The following ROBO2 variants were observed in gnomAD, a reference collection of about 807,000 sequenced individuals.
The protein encoded by ROBO2 is roundabout homolog 2.
ROBO2 carries 53 observed loss-of-function variants against 160.8 expected under a neutral mutation model. The observed-to-expected ratio is 0.33, with a 90% CI of 0.26 to 0.41. The LOEUF (loss-of-function observed/expected upper bound fraction) is 0.41, where lower values mean the gene tolerates loss of function less well. Ranked by LOEUF, ROBO2 falls within the 10% of genes least tolerant of loss-of-function variation. ROBO2 has a pLI of 1.00. For missense variants in ROBO2, 1,577 were observed against 1,722.4 expected (o/e 0.92, Z 1.49); for synonymous variants, 664 against 611.7 (o/e 1.09, Z -1.26).
chr3:76,804,355 CTT>C (rs1283070723), intron 2 of ROBO2, among the ~76,000 whole-genome samples: 1 of 152,184 alleles, frequency 6.6e-6, no homozygotes, highest in East Asian at 1.9e-4. Context: ...AGTCCAAAAC[CTT>C]TCGGCAGAAT....
intron 2 of ROBO2, among the ~76,000 whole-genome samples, chr3:77,463,165 T>A (rs1258401484): frequency 1.3e-5 from 2 of 152,138 alleles, no homozygotes; most frequent in Admixed American, 6.6e-5. Flanking sequence ...TACTTGAATT[T>A]AAAAAGTGGG....
chr3:77,041,742 CCTT>C (rs948372476), intron 1 of ROBO2, among the ~76,000 whole-genome samples: 1 of 152,012 alleles, frequency 6.6e-6, no homozygotes, highest in African/African-American at 2.4e-5. Flanking sequence ...TTGCTGTTAA[CCTT>C]CTAGAGGCTT....
In ROBO2 at chr3:77,596,318, T is replaced by C. The variant is rs1017326619; in HGVS notation, c.2727-305T>C. 2.6e-5 allele frequency among the ~76,000 whole-genome samples: 4 copies of C among 152,290 alleles called. No individual in the cohort carries two copies. The East Asian group carries it at 7.7e-4, about 29-fold the overall frequency. ...ACTTTGAGCAGTTGTTCCCTTGTGGTGCCAATGTATCATCAAACCTTGTTT... is the reference window on the plus strand; with the variant it reads ...ACTTTGAGCAGTTGTTCCCTTGTGGCGCCAATGTATCATCAAACCTTGTTT... On this transcript the variant is annotated intron_variant, in intron 18 of 25. Transcript: ENST00000461745.
chr3:76,614,372 G>A (rs1223442939), intron 2 of ROBO2, among the ~76,000 whole-genome samples: 2 of 151,978 alleles, frequency 1.3e-5, no homozygotes, highest in Non-Finnish European at 2.9e-5. Context: ...TAATAAAAGT[G>A]TTTTTAGATA....
intron 2 of ROBO2, among the ~76,000 whole-genome samples, chr3:76,936,098 G>T (rs868230779): frequency 3.7e-4 from 56 of 152,094 alleles, no homozygotes; most frequent in African/African-American, 1.2e-3. Context: ...AAGTGATTTT[G>T]TGTCCTTCTT....
chr3:76,911,386 G>T (rs1371321892), intron 2 of ROBO2, among the ~76,000 whole-genome samples: 1 of 152,174 alleles, frequency 6.6e-6, no homozygotes, highest in Non-Finnish European at 1.5e-5. Context: ...GAAAAACATG[G>T]CAGTGCCTTT....
chr3:76,428,029 A>G (rs1162616264), intron 2 of ROBO2, among the ~76,000 whole-genome samples: 2 of 152,186 alleles, frequency 1.3e-5, no homozygotes, highest in Admixed American at 6.5e-5. Context: ...AATTTCAAAT[A>G]TATAACTAGT....
intron 2 of ROBO2, among the ~76,000 whole-genome samples, chr3:76,184,299 T>A (rs1575783969): frequency 6.6e-6 from 1 of 152,000 alleles, no homozygotes; most frequent in Non-Finnish European, 1.5e-5. Context: ...CCTCCTCCAG[T>A]GGGTTGCCCT....
At chr3:77,632,462 A>G (rs1178064721) in intron 23 of ROBO2, 1 of 1,523,256 alleles carries the variant, frequency 6.6e-7, no homozygotes, top group Non-Finnish European at 8.8e-7. Flanking sequence ...AGACAACTAC[A>G]TTTGTTTTTA....
intron 2 of ROBO2, among the ~76,000 whole-genome samples, chr3:75,992,393 G>A (rs1219875905): frequency 9.9e-5 from 15 of 152,168 alleles, no homozygotes; most frequent in Admixed American, 9.8e-4. Flanking sequence ...GCTCCCGAGG[G>A]TGGAGCCCCC....
At chr3:76,226,978 C>G (rs1559662516) in intron 2 of ROBO2, among the ~76,000 whole-genome samples, 1 of 152,160 alleles carries the variant, frequency 6.6e-6, no homozygotes, top group East Asian at 1.9e-4. Flanking sequence ...CTGTGCATCT[C>G]CATCAGCCTC....
intron 2 of ROBO2, among the ~76,000 whole-genome samples, chr3:76,322,196 A>ATATG (rs2072609389): frequency 9.5e-6 from 1 of 104,762 alleles, no homozygotes; most frequent in African/African-American, 3.4e-5. Context: ...ATATATATAT[A>ATATG]TATATATAAT....
intron 2 of ROBO2, among the ~76,000 whole-genome samples, chr3:76,157,839 A>G (rs2106896942): frequency 6.6e-6 from 1 of 152,296 alleles, no homozygotes; most frequent in South Asian, 2.1e-4. Flanking sequence ...TTTCTAAGTT[A>G]TAAATTCTCT....
intron 2 of ROBO2, among the ~76,000 whole-genome samples, chr3:76,568,383 C>T (rs1288569011): frequency 2.0e-5 from 3 of 152,056 alleles, no homozygotes; most frequent in Non-Finnish European, 2.9e-5. Context: ...CTGCAAGCTC[C>T]GCCTCCCGGG....
chr3:76,018,555 T>C (rs2066470235), intron 2 of ROBO2, among the ~76,000 whole-genome samples: 1 of 151,886 alleles, frequency 6.6e-6, no homozygotes, highest in Non-Finnish European at 1.5e-5. Flanking sequence ...ACTTTATTGC[T>C]TTTTTGTATG....
At chr3:76,257,685 T>G (rs1208476154) in intron 2 of ROBO2, among the ~76,000 whole-genome samples, 1 of 152,056 alleles carries the variant, frequency 6.6e-6, no homozygotes, top group African/African-American at 2.4e-5. Context: ...GTATAGTGTA[T>G]TTCATAGTGC....
Position 76,796,724 on chromosome 3 carries a change from C to A in ROBO2, c.110-301290C>A, listed in dbSNP as rs981499937. ...TAAAAATACACTTCACCTATAGAGACAAATGTAGACTCTAAATAAAGAGAT... is the reference window on the plus strand; with the variant it reads ...TAAAAATACACTTCACCTATAGAGAAAAATGTAGACTCTAAATAAAGAGAT... On this transcript the variant is annotated intron_variant, in intron 2 of 26. Coordinates refer to the ROBO2 transcript ENST00000487694. Among the ~76,000 whole-genome samples the A allele has an allele frequency of 2.0e-5, 3 of 151,990 alleles. No individual in the cohort carries two copies. In the South Asian group the frequency reaches 6.2e-4, roughly 32 times the overall value.
intron 2 of ROBO2, among the ~76,000 whole-genome samples, chr3:76,021,212 G>A (rs982294060): frequency 2.0e-5 from 3 of 151,770 alleles, no homozygotes; most frequent in Non-Finnish European, 3.0e-5. Flanking sequence ...CTAGATTGGA[G>A]GAAGGTCATA....
At chr3:76,844,716 G>T (rs2068620792) in intron 2 of ROBO2, among the ~76,000 whole-genome samples, 1 of 151,766 alleles carries the variant, frequency 6.6e-6, no homozygotes, top group East Asian at 1.9e-4. Flanking sequence ...ATTTATATAG[G>T]ATTCTATTTT....
Sources: allele counts gnomAD v4.1 joint callset (sites outside exome capture counted in the v4.1 genomes callset), GRCh38; gene constraint gnomAD v4.1.1; transcripts MANE v1.5; gene names NCBI Gene and HGNC (gene_info 2026-07-23, HGNC 2026-07-21).